The following NCALD variants were observed in gnomAD, a reference collection of about 807,000 sequenced individuals.
NCALD encodes the protein neurocalcin-delta.
Under a neutral mutation model 18.6 loss-of-function variants are expected in NCALD, and 10 were observed. The ratio of observed to expected loss-of-function variants is 0.54; its 90% CI spans 0.33 to 0.91. NCALD has a LOEUF of 0.91. Among genes scored for constraint, NCALD ranks in the 40% least tolerant of loss-of-function variants. The probability of loss-of-function intolerance (pLI) is 0.03; values close to 1 mark genes in which losing one functional copy is unlikely to be tolerated. For missense variants in NCALD, 184 were observed against 247.6 expected, an observed-to-expected ratio of 0.74 and a Z score of 1.72; for synonymous variants, 88 against 87.4, an observed-to-expected ratio of 1.01 and a Z score of -0.04.
chr8:102,063,176 A>G (rs1240148139), intron 1 of NCALD, among the ~76,000 whole-genome samples: 3 of 152,174 alleles, frequency 2.0e-5, no homozygotes, highest in African/African-American at 7.2e-5. Context: ...GCTGAAACTA[A>G]GTTGCTGCTT....
rs117291697 is a variant in NCALD, at chr8:102,116,491, T to G, written c.-210+7746A>C. Among the ~76,000 whole-genome samples, 330 of 152,040 alleles carry G rather than the reference T, an allele frequency of 2.2e-3. 1 individual carries two copies. In the East Asian group the frequency reaches 0.038, roughly 17 times the overall value. ...GGGTTTCTTTTGTAGGGTGGTGGTG[T>G]TGTTGTTTTGAGACAAGGTATCGCT... On this transcript the variant is annotated intron_variant, in intron 1 of 6. Coordinates refer to the NCALD transcript ENST00000311028.
chr8:101,864,607 T>C (rs1815686067), intron 4 of NCALD, among the ~76,000 whole-genome samples: 11 of 151,702 alleles, frequency 7.3e-5, no homozygotes, highest in Admixed American at 7.2e-4. Context: ...TTTTTTTTTT[T>C]TTCTGAGACG....
intron 3 of NCALD, chr8:101,691,178 C>T (rs1814714006): frequency 2.0e-6 from 2 of 985,434 alleles, no homozygotes; most frequent in Admixed American, 6.1e-5. Context: ...CACCCAGTCT[C>T]CTGGTTGAGC....
chr8:101,910,109 T>A (rs1817740198), intron 3 of NCALD, among the ~76,000 whole-genome samples: 1 of 152,028 alleles, frequency 6.6e-6, no homozygotes, highest in Admixed American at 6.6e-5. Context: ...AGGATAAAGA[T>A]GTCAGAGAAT....
chr8:101,866,967 C>G (rs1278794423), intron 4 of NCALD, among the ~76,000 whole-genome samples: 1 of 152,142 alleles, frequency 6.6e-6, no homozygotes, highest in African/African-American at 2.4e-5. Context: ...TAAGAACCCT[C>G]TATGCTCTGG....
intron 1 of NCALD, among the ~76,000 whole-genome samples, chr8:102,045,354 A>T (rs1175393351): frequency 6.6e-6 from 1 of 152,236 alleles, no homozygotes; most frequent in East Asian, 1.9e-4. Context: ...ACTGAAATGC[A>T]CATAGCTCAC....
intron 4 of NCALD, among the ~76,000 whole-genome samples, chr8:101,865,182 C>T (rs892214075): frequency 7.9e-5 from 12 of 152,132 alleles, no homozygotes; most frequent in Admixed American, 2.6e-4. Flanking sequence ...TGAAAACTCA[C>T]GTTTCTAATT....
At chr8:102,058,397 A>G (rs1823727466) in intron 1 of NCALD, among the ~76,000 whole-genome samples, 2 of 152,242 alleles carry the variant, frequency 1.3e-5, no homozygotes, top group South Asian at 2.1e-4. Flanking sequence ...AATAAAAACT[A>G]GGAAAAGAAG....
chr8:101,872,186 G>A (rs941142989), intron 4 of NCALD: 38 of 1,592,006 alleles, frequency 2.4e-5, no homozygotes, highest in East Asian at 4.5e-5. Flanking sequence ...GGAATTCCTC[G>A]TTTGCAAAGG....
chr8:102,103,955 G>T (rs1039628901), intron 1 of NCALD, among the ~76,000 whole-genome samples: 3 of 152,166 alleles, frequency 2.0e-5, no homozygotes, highest in East Asian at 1.9e-4. Flanking sequence ...GATCATTGTA[G>T]CAGGTGGAGT....
intron 4 of NCALD, among the ~76,000 whole-genome samples, chr8:101,818,170 T>C (rs1319274694): frequency 6.6e-6 from 1 of 152,198 alleles, no homozygotes; most frequent in Non-Finnish European, 1.5e-5. Context: ...AAAACTTCCA[T>C]CCATTCCATT....
At chr8:101,946,059 G>A (rs2131782512) in intron 2 of NCALD, among the ~76,000 whole-genome samples, 1 of 152,182 alleles carries the variant, frequency 6.6e-6, no homozygotes, top group African/African-American at 2.4e-5. Context: ...AAGAGATGGA[G>A]GAAAATCTGC....
chr8:102,084,948 T>C lies in NCALD; in HGVS notation c.-210+39289A>G, dbSNP rs190946721. 2.3e-4 allele frequency among the ~76,000 whole-genome samples: 35 copies of C among 152,198 alleles called. No individual in the cohort carries two copies. The East Asian group carries it at 6.8e-3, about 29-fold the overall frequency. On this transcript the variant is annotated intron_variant, in intron 1 of 6. Transcript: ENST00000311028. ...GGGAAGAATAGAAGTTCTGGGAAAA[T>C]GAGTAAAATTCACAATGGGTGATTG... is the stretch of plus-strand genomic sequence containing the variant.
At chr8:101,785,781 C>T (rs1186768602) in intron 1 of NCALD, 1 of 152,190 alleles carries the variant, frequency 6.6e-6, no homozygotes, top group East Asian at 1.9e-4. Context: ...TCGGTCCCTA[C>T]CAGTCTCATT....
At position 101,766,965 on chromosome 8, in the gene NCALD, A is replaced by G. The variant is rs187578636; in HGVS notation, c.-20+23897T>C. ...ATTTACAACAATTTAATCATACTCTATGTATAGTTCTGTAACTCATTTTTT... is the reference window on the plus strand; with the variant it reads ...ATTTACAACAATTTAATCATACTCTGTGTATAGTTCTGTAACTCATTTTTT... On this transcript the variant is annotated intron_variant, in intron 1 of 3. Transcript: ENST00000220931. Among the ~76,000 whole-genome samples, 6 of 152,304 alleles carry G rather than the reference A, an allele frequency of 3.9e-5. No individual in the cohort carries two copies. The East Asian group carries it at 9.7e-4, about 25-fold the overall frequency.
intron 4 of NCALD, among the ~76,000 whole-genome samples, chr8:101,856,482 C>T (rs537773841): frequency 1.1e-3 from 167 of 152,160 alleles, no homozygotes; most frequent in African/African-American, 3.8e-3. Flanking sequence ...CGAGCCACCA[C>T]GCCCAGCCTG....
chr8:101,775,892 G>T (rs922691321), intron 1 of NCALD, among the ~76,000 whole-genome samples: 1 of 152,178 alleles, frequency 6.6e-6, no homozygotes, highest in Non-Finnish European at 1.5e-5. Flanking sequence ...GGTTGCCAAG[G>T]TGGCTCCTGA....
chr8:102,085,619 T>C (rs1441302183), intron 1 of NCALD, among the ~76,000 whole-genome samples: 3 of 152,014 alleles, frequency 2.0e-5, no homozygotes, highest in Non-Finnish European at 4.4e-5. Flanking sequence ...TAGCTGGGCA[T>C]GGTGGCAGGT....
chr8:102,024,708 G>A (rs780207678), intron 1 of NCALD, among the ~76,000 whole-genome samples: 8 of 151,990 alleles, frequency 5.3e-5, no homozygotes, highest in Non-Finnish European at 8.8e-5. Context: ...TTAAGCCTTC[G>A]TCCTCTACCT....
Sources: allele counts gnomAD v4.1 joint callset (sites outside exome capture counted in the v4.1 genomes callset), GRCh38; gene constraint gnomAD v4.1.1; transcripts MANE v1.5; gene names NCBI Gene and HGNC (gene_info 2026-07-23, HGNC 2026-07-21).